The following TLCD5 variants were observed in gnomAD, a reference collection of about 807,000 sequenced individuals.
TLCD5 encodes the protein TLC domain-containing protein 5.
Under a neutral mutation model 20.5 loss-of-function variants are expected in TLCD5, and 15 were observed. That is an observed-to-expected ratio of 0.73 (90% CI 0.49 to 1.13). TLCD5 has a LOEUF of 1.13. Ranked by LOEUF, TLCD5 falls within the 50% of genes most tolerant of loss-of-function variation. TLCD5 has a pLI of 0.00. For missense variants in TLCD5, 289 were observed against 305.6 expected, an observed-to-expected ratio of 0.95 and a Z score of 0.41; for synonymous variants, 107 against 114.7, an observed-to-expected ratio of 0.93 and a Z score of 0.43.
chr11:120,330,675 TATTAAAAC>T lies in TLCD5; in HGVS notation c.*162_*169del, dbSNP rs1256789944. The T allele has an allele frequency of 5.3e-6, 4 of 750,448 alleles. No homozygotes were observed. The highest frequency in any genetic ancestry group is 3.9e-4 in the Middle Eastern group (1 of 2,544). 46.5% of individuals were successfully genotyped at this position (750,448 alleles called of 1,614,324 possible). A position where few individuals can be genotyped will look rare whatever the true frequency, so the allele number is the denominator to read the frequency against. On this transcript the variant is annotated 3_prime_UTR_variant, in exon 3 of 3. Coordinates refer to ENST00000375095, the MANE Select transcript of TLCD5 (RefSeq NM_001198671.2). ...AGTCTTCAAGCCGAGCATATACCAG[TATTAAAAC>T]ACTAACTTCTACAGTAGCACAGTTG...
chr11:120,328,946 T>G (rs76673086), intron 2 of TLCD5, among the ~76,000 whole-genome samples: 6,052 of 29,058 alleles, frequency 0.21, 132 homozygotes, highest in South Asian at 0.24. Flanking sequence ...GTGTGTGTGT[T>G]TGTGTATGTT....
rs1360085848 is a variant in TLCD5 at position 120,331,045 on chromosome 11, G to A, written c.*530G>A. The A allele has an allele frequency of 6.5e-6, 1 of 152,754 alleles. No homozygotes were observed. Among genetic ancestry groups the A allele is most frequent in the East Asian group, 1.9e-4 (1 of 5,222 alleles). 9.5% of individuals were successfully genotyped at this position (152,754 alleles called of 1,614,324 possible). A position where few individuals can be genotyped will look rare whatever the true frequency, so the allele number is the denominator to read the frequency against. ...TGGGTCGCTTAAACAGAGGGGCATAGGAGGGTGAGAGTGAAACTGGCAGTG... is the reference window on the plus strand; with the variant it reads ...TGGGTCGCTTAAACAGAGGGGCATAAGAGGGTGAGAGTGAAACTGGCAGTG... On this transcript the variant is annotated 3_prime_UTR_variant, in exon 3 of 3. Coordinates refer to ENST00000375095, the MANE Select transcript of TLCD5 (RefSeq NM_001198671.2). This position sits in a 1 kb window ranked among gnomAD's most constrained non-coding sequence, Gnocchi z 4.5.
chr11:120,328,204 C>T (rs530439923), intron 2 of TLCD5, among the ~76,000 whole-genome samples: 10 of 152,104 alleles, frequency 6.6e-5, no homozygotes, highest in East Asian at 3.9e-4. Flanking sequence ...CTCAGCCTCC[C>T]GAGTAGCTGG....
chr11:120,327,281 T>G, intron 1 of TLCD5, 160 bp from the exon 2 acceptor site: 1 of 1,278,708 alleles, frequency 7.8e-7, no homozygotes, highest in Non-Finnish European at 1.1e-6. Flanking sequence ...ACAGCCATAC[T>G]TAAATAGAAG....
rs1404257596 is a variant in TLCD5, at chr11:120,327,413, T to C, written c.-1-28T>C. ...TGTTTTCTTAGGGTGCATCCTTTGT[T>C]TTTCTGGTTTTGGTCTTTTCATCAC... On this transcript the variant is annotated intron_variant, in intron 1 of 2. Coordinates refer to ENST00000375095, the MANE Select transcript of TLCD5 (RefSeq NM_001198671.2). The C allele has an allele frequency of 1.9e-6, 3 of 1,614,030 alleles. No individual in the cohort carries two copies. The East Asian group carries it at 6.7e-5, about 36-fold the overall frequency.
At chr11:120,326,371 C>G (rs116580773) in intron 1 of TLCD5, among the ~76,000 whole-genome samples, 464 of 152,278 alleles carry the variant, frequency 3.0e-3, no homozygotes, top group African/African-American at 0.011. Flanking sequence ...CTGTACAGAA[C>G]TTGACCTTCA....
At chr11:120,329,571 C>T in intron 2 of TLCD5, among the ~76,000 whole-genome samples, 1 of 152,038 alleles carries the variant, frequency 6.6e-6, no homozygotes, top group Middle Eastern at 3.4e-3. Context: ...AGAAAAAAAT[C>T]TGACATTCAG....
chr11:120,329,726 T>A (rs1396408429), intron 2 of TLCD5, among the ~76,000 whole-genome samples: 2 of 152,228 alleles, frequency 1.3e-5, no homozygotes, highest in Admixed American at 6.5e-5. Flanking sequence ...CTGTGTTCAT[T>A]GAAGGATGCA....
At chr11:120,328,938 GTGTGTGTTTGTGTA>G (rs1942080067) in intron 2 of TLCD5, among the ~76,000 whole-genome samples, 3 of 101,118 alleles carry the variant, frequency 3.0e-5, no homozygotes, top group Non-Finnish European at 4.2e-5. Context: ...GTGTGTGTGT[GTGTGTGTTTGTGTA>G]TGTTTATGTA....
rs145710378 is a variant in TLCD5 at position 120,333,112 on chromosome 11, C to A, written c.*2597C>A. 1 of 150,896 alleles carries A rather than the reference C, an allele frequency of 6.6e-6. No homozygotes were observed. The highest frequency in any genetic ancestry group is 1.5e-5 in the Non-Finnish European group (1 of 67,870). The allele number at this position is 150,896 out of a possible 1,614,324, so 9.3% of individuals were successfully genotyped here. ...GGTAAGCTTCTTTCCAACAAAATTG[C>A]GGTCAAAGTAGGATGCTGGGGAATG... is the stretch of plus-strand genomic sequence containing the variant. On this transcript the variant is annotated 3_prime_UTR_variant, in exon 3 of 3. Transcript: ENST00000375095. This position sits in a 1 kb window ranked among gnomAD's most constrained non-coding sequence, Gnocchi z 4.5.
chr11:120,327,568 C>T lies in TLCD5; in HGVS notation c.127C>T (p.His43Tyr). The change falls in exon 2 of 3, where the codon CAT becomes TAT. Residue 43 changes from histidine (H) to tyrosine (Y), a missense_variant. Coordinates refer to ENST00000375095, the MANE Select transcript of TLCD5 (RefSeq NM_001198671.2). ...EWSCRLVTFT[H>Y]GVLSIGLSAY... The stretch of plus-strand genomic sequence containing the variant: ...GAGCTGCCGCCTGGTCACCTTCACC[C>T]ATGGAGTCCTCTCTATAGGCCTCTC... 1.9e-6 allele frequency: 3 copies of T among 1,614,154 alleles called. No individual in the cohort carries two copies. Among genetic ancestry groups the T allele is most frequent in the Non-Finnish European group, 2.5e-6 (3 of 1,180,026 alleles).
chr11:120,326,834 C>T (rs1942011882), intron 1 of TLCD5, among the ~76,000 whole-genome samples: 1 of 152,188 alleles, frequency 6.6e-6, no homozygotes, highest in Non-Finnish European at 1.5e-5. Flanking sequence ...CTGAATAAAG[C>T]CAGGATTTCC....
At chr11:120,325,635 C>T (rs1288185628) in intron 1 of TLCD5, among the ~76,000 whole-genome samples, 1 of 152,152 alleles carries the variant, frequency 6.6e-6, no homozygotes, top group Non-Finnish European at 1.5e-5. Context: ...CCTGCGAGGC[C>T]CCGGGGCCCG....
chr11:120,327,956 A>G (rs146313666), intron 2 of TLCD5, among the ~76,000 whole-genome samples: 2 of 152,278 alleles, frequency 1.3e-5, no homozygotes, highest in Admixed American at 6.5e-5. Context: ...TATCATACAT[A>G]TTTTTGGCAA....
chr11:120,326,025 C>T lies in TLCD5; in HGVS notation c.-2+657C>T, dbSNP rs149287303. On this transcript the variant is annotated intron_variant, in intron 1 of 2. Transcript: ENST00000375095. ...TAGAAGGAGATAAGGGAGGGCAGTT[C>T]TCTTCACCTGGGATACTTTGTATTT... Among the ~76,000 whole-genome samples the T allele has an allele frequency of 2.6e-3, 400 of 152,292 alleles. 5 individuals carry two copies. Among genetic ancestry groups the T allele is most frequent in the Admixed American group, 0.02 (304 of 15,300 alleles).
In TLCD5 at chr11:120,330,138, G is replaced by C. The variant is rs1942116344; in HGVS notation, c.361G>C (p.Glu121Gln). 2 of 1,612,168 alleles carry C rather than the reference G, an allele frequency of 1.2e-6. No homozygotes were observed. The highest frequency in any genetic ancestry group is 2.2e-5 in the East Asian group (1 of 44,890). ...LGIIMALVLGESGTEVNAVLF... is the reference protein window; with the variant it reads ...LGIIMALVLGQSGTEVNAVLF... The stretch of plus-strand genomic sequence containing the variant: ...CATTATCATGGCCCTTGTGCTTGGG[G>C]AGTCTGGCACAGAGGTCAATGCAGT... The change falls in exon 3 of 3, where the codon GAG becomes CAG. Residue 121 changes from glutamate to glutamine, a missense_variant. Coordinates refer to ENST00000375095, the MANE Select transcript of TLCD5 (RefSeq NM_001198671.2).
intron 1 of TLCD5, among the ~76,000 whole-genome samples, chr11:120,326,818 T>A (rs1185473831): frequency 2.0e-5 from 3 of 152,272 alleles, no homozygotes; most frequent in Admixed American, 2.0e-4. Flanking sequence ...GGGTCGGATT[T>A]CAGAACTGAA....
At chr11:120,328,867 GTA>G (rs1942074607) in intron 2 of TLCD5, among the ~76,000 whole-genome samples, 1 of 136,494 alleles carries the variant, frequency 7.3e-6, no homozygotes, top group Non-Finnish European at 1.6e-5. Context: ...GTGTGTGTAT[GTA>G]TATGTATGCA....
At chr11:120,327,132 G>C (rs1942018465) in intron 1 of TLCD5, 1 of 526,108 alleles carries the variant, frequency 1.9e-6, no homozygotes, top group Non-Finnish European at 3.4e-6. Flanking sequence ...GTCAGTCATC[G>C]CTAGAGGGTT....
Sources: allele counts gnomAD v4.1 joint callset (sites outside exome capture counted in the v4.1 genomes callset), GRCh38; gene constraint gnomAD v4.1.1; non-coding constraint Gnocchi (gnomAD v3.1); transcripts MANE v1.5; gene names NCBI Gene and HGNC (gene_info 2026-07-23, HGNC 2026-07-21).